LINGO2: variants seen among roughly 807,000 people sequenced by gnomAD.
LINGO2 encodes leucine-rich repeat and immunoglobulin-like domain-containing nogo receptor-interacting protein 2.
In LINGO2, 14 loss-of-function variants were observed where a neutral mutation model predicts 30.6. The ratio of observed to expected loss-of-function variants is 0.46; its 90% CI spans 0.30 to 0.72. LINGO2 has a LOEUF of 0.72. Ranked by LOEUF, LINGO2 falls within the 30% of genes least tolerant of loss-of-function variation. LINGO2 has a pLI of 0.07. For synonymous variants in LINGO2, 317 were observed against 288.5 expected, an observed-to-expected ratio of 1.10 and a Z score of -1.00; for missense variants, 729 against 751.7, an observed-to-expected ratio of 0.97 and a Z score of 0.35.
At chr9:28,481,941 G>T (rs895659398) in intron 1 of LINGO2, among the ~76,000 whole-genome samples, 7 of 152,182 alleles carry the variant, frequency 4.6e-5, no homozygotes, top group Admixed American at 4.6e-4. Flanking sequence ...TGTCCCTACA[G>T]AAGACATGAA....
chr9:28,922,346 G>T, the LINGO2 span, among the ~76,000 whole-genome samples: 2 of 152,146 alleles, frequency 1.3e-5, no homozygotes, highest in African/African-American at 4.8e-5. Flanking sequence ...GATAAATTCG[G>T]AAGGGTACAG....
the LINGO2 span, among the ~76,000 whole-genome samples, chr9:28,785,744 G>T: frequency 6.8e-6 from 1 of 147,310 alleles, no homozygotes. Flanking sequence ...TATTTTCCTG[G>T]AAGAAGAAAA....
chr9:28,380,752 G>C (rs1482104315), intron 2 of LINGO2, among the ~76,000 whole-genome samples: 1 of 152,060 alleles, frequency 6.6e-6, no homozygotes, highest in East Asian at 1.9e-4. Context: ...TTTTGACAGC[G>C]ATATGTAGGA....
chr9:29,140,162 G>A, the LINGO2 span, among the ~76,000 whole-genome samples: 1 of 151,838 alleles, frequency 6.6e-6, no homozygotes, highest in Admixed American at 6.6e-5. Flanking sequence ...TCAACACAAA[G>A]TAACATGTCA....
At chr9:28,069,981 T>C (rs1423856713) in intron 4 of LINGO2, among the ~76,000 whole-genome samples, 2 of 152,160 alleles carry the variant, frequency 1.3e-5, no homozygotes, top group Non-Finnish European at 2.9e-5. Context: ...AAGCCGCTCA[T>C]AGTGGGCAAC....
the LINGO2 span, among the ~76,000 whole-genome samples, chr9:29,083,458 G>C: frequency 2.6e-5 from 4 of 152,146 alleles, no homozygotes; most frequent in South Asian, 8.3e-4. Flanking sequence ...GGGATGGATA[G>C]CATTAGGAGA....
chr9:28,826,733 T>G, the LINGO2 span, among the ~76,000 whole-genome samples: 54 of 152,316 alleles, frequency 3.5e-4, no homozygotes, highest in African/African-American at 1.2e-3. Context: ...TTAATTTAAC[T>G]GATGTTCCCT....
At chr9:28,195,895 A>G (rs1177223794) in intron 4 of LINGO2, among the ~76,000 whole-genome samples, 1 of 151,856 alleles carries the variant, frequency 6.6e-6, no homozygotes, top group African/African-American at 2.4e-5. Context: ...AAGGTTCTAT[A>G]TAAGTTATCA....
At chr9:28,822,549 G>T in the LINGO2 span, among the ~76,000 whole-genome samples, 1 of 150,326 alleles carries the variant, frequency 6.7e-6, no homozygotes, top group South Asian at 2.1e-4. Flanking sequence ...AATCTGGGCG[G>T]ACACCATCTA....
chr9:28,582,896 A>G (rs910123236), intron 1 of LINGO2, among the ~76,000 whole-genome samples: 1 of 152,002 alleles, frequency 6.6e-6, no homozygotes, highest in African/African-American at 2.4e-5. Flanking sequence ...CTTTGACTTG[A>G]GATTATCATG....
chr9:28,133,228 A>C (rs181361192), intron 4 of LINGO2, among the ~76,000 whole-genome samples: 1 of 152,216 alleles, frequency 6.6e-6, no homozygotes, highest in African/African-American at 2.4e-5. Context: ...TTTCCTGACT[A>C]TATTATTAAA....
chr9:29,135,931 A>T, the LINGO2 span, among the ~76,000 whole-genome samples: 1 of 152,152 alleles, frequency 6.6e-6, no homozygotes, highest in East Asian at 1.9e-4. Context: ...AGGTTCATCC[A>T]TATCATAGCA....
chr9:29,203,608 G>T, the LINGO2 span, among the ~76,000 whole-genome samples: 3 of 149,464 alleles, frequency 2.0e-5, no homozygotes, highest in African/African-American at 7.7e-5. Context: ...TAACATATAT[G>T]TGACTTTGTT....
intron 3 of LINGO2, among the ~76,000 whole-genome samples, chr9:28,370,601 T>C (rs1820856642): frequency 6.6e-6 from 1 of 152,188 alleles, no homozygotes. Flanking sequence ...GAGATCATGA[T>C]ATAGTCAGGG....
intron 1 of LINGO2, among the ~76,000 whole-genome samples, chr9:28,508,535 G>A (rs1169733063): frequency 6.6e-6 from 1 of 151,226 alleles, no homozygotes; most frequent in African/African-American, 2.4e-5. Context: ...AAAAAGTCTA[G>A]CCCATATGTG....
At chr9:28,698,532 A>G in the LINGO2 span, among the ~76,000 whole-genome samples, 1 of 152,038 alleles carries the variant, frequency 6.6e-6, no homozygotes, top group African/African-American at 2.4e-5. Context: ...TGTTTTGTCA[A>G]TTTCTAGGTA....
At chr9:28,395,852 A>G (rs934616975) in intron 2 of LINGO2, among the ~76,000 whole-genome samples, 2 of 152,138 alleles carry the variant, frequency 1.3e-5, no homozygotes, top group African/African-American at 4.8e-5. Context: ...TTGGAACAGG[A>G]CTTATTAAGC....
chr9:28,217,397 C>T (rs975361086), intron 4 of LINGO2, among the ~76,000 whole-genome samples: 5 of 151,546 alleles, frequency 3.3e-5, no homozygotes, highest in Non-Finnish European at 5.9e-5. Flanking sequence ...AAAATAAAGA[C>T]AACTGAAATC....
chr9:28,098,991 G>A (rs1414605927), intron 4 of LINGO2, among the ~76,000 whole-genome samples: 2 of 152,070 alleles, frequency 1.3e-5, no homozygotes, highest in Non-Finnish European at 2.9e-5. Flanking sequence ...GAAGCTGGTG[G>A]GTAAGGGAAT....
Sources: allele counts gnomAD v4.1 joint callset (sites outside exome capture counted in the v4.1 genomes callset), GRCh38; gene constraint gnomAD v4.1.1; transcripts MANE v1.5; gene names NCBI Gene and HGNC (gene_info 2026-07-23, HGNC 2026-07-21).